Variants in RAB3IP observed in about 807,000 individuals in gnomAD.
RAB3IP encodes RAB3A interacting protein.
A neutral mutation model predicts 59.1 loss-of-function variants in RAB3IP; 36 were observed. The ratio of observed to expected loss-of-function variants is 0.61; its 90% CI spans 0.47 to 0.80. RAB3IP has a LOEUF of 0.80. Ranked by LOEUF, RAB3IP falls within the 30% of genes least tolerant of loss-of-function variation. The pLI is 0.00. For missense variants in RAB3IP, 511 were observed against 536.0 expected (o/e 0.95, Z 0.46); for synonymous variants, 207 against 191.2 (o/e 1.08, Z -0.68).
chr12:69,804,727 T>G (rs1156334405), intron 8 of RAB3IP, among the ~76,000 whole-genome samples: 2 of 151,862 alleles, frequency 1.3e-5, no homozygotes, highest in Non-Finnish European at 3.0e-5. Flanking sequence ...TAGCCAGTTT[T>G]CCCAGCACCA....
chr12:69,758,756 CTTTTTTTTTTTT>C (rs71437121), intron 3 of RAB3IP, among the ~76,000 whole-genome samples: 10 of 48,230 alleles, frequency 2.1e-4, no homozygotes, highest in African/African-American at 7.0e-4. Flanking sequence ...GTGTTCATTC[CTTTTTTTTTTTT>C]TTTTTTTTTT....
Position 69,815,538 on chromosome 12 carries a change from AG to A in RAB3IP, c.*93del. 1.1e-6 allele frequency: 1 copy of A among 927,044 alleles called. No individual in the cohort carries two copies. Among genetic ancestry groups the A allele is most frequent in the East Asian group, 2.5e-5 (1 of 40,538 alleles). 57.4% of individuals were successfully genotyped at this position (927,044 alleles called of 1,614,324 possible). A position where few individuals can be genotyped will look rare whatever the true frequency, so the allele number is the denominator to read the frequency against. On this transcript the variant is annotated 3_prime_UTR_variant, in exon 11 of 11. Transcript: ENST00000247833. ...ACTTGATATTTATTTCCAAGGAGTG[AG>A]CCTAAGACTTTTTTCCCCTTTTGCA...
Position 69,738,975 on chromosome 12 carries a change from C to G in RAB3IP, c.-82C>G, listed in dbSNP as rs1387038574. On this transcript the variant is annotated 5_prime_UTR_variant, in exon 1 of 11. Coordinates refer to ENST00000247833, the MANE Select transcript of RAB3IP (RefSeq NM_022456.5). ...GTTTCTCGCTGCTTCGGGACGCGCT[C>G]TCTGCGGCTCTGTGAGCGCCCCTGA... 1 of 152,148 alleles carries G rather than the reference C, an allele frequency of 6.6e-6. No homozygotes were observed. Among genetic ancestry groups the G allele is most frequent in the Non-Finnish European group, 1.5e-5 (1 of 68,102 alleles). The allele number at this position is 152,148 out of a possible 1,614,324, so 9.4% of individuals were successfully genotyped here.
At chr12:69,769,482 A>T (rs1872757435) in intron 3 of RAB3IP, among the ~76,000 whole-genome samples, 1 of 152,178 alleles carries the variant, frequency 6.6e-6, no homozygotes, top group African/African-American at 2.4e-5. Context: ...TTTATCAGCC[A>T]GACACTATCA....
chr12:69,796,265 A>G (rs1473262913), intron 6 of RAB3IP: 1 of 154,402 alleles, frequency 6.5e-6, no homozygotes. Context: ...GCGCCATCAC[A>G]CTCCAGCCTG....
chr12:69,812,557 T>C, intron 8 of RAB3IP: 1 of 449,870 alleles, frequency 2.2e-6, no homozygotes, highest in Non-Finnish European at 3.9e-6. Context: ...GAATCATGGT[T>C]AATGTTATGG....
intron 2 of RAB3IP, among the ~76,000 whole-genome samples, chr12:69,756,139 A>T (rs1870176917): frequency 6.6e-6 from 1 of 151,954 alleles, no homozygotes; most frequent in South Asian, 2.1e-4. Context: ...TAGTTTGTTA[A>T]CCCCTGCTCT....
chr12:69,781,013 T>C (rs1402718406), intron 3 of RAB3IP, among the ~76,000 whole-genome samples: 1 of 152,246 alleles, frequency 6.6e-6, no homozygotes, highest in Non-Finnish European at 1.5e-5. Flanking sequence ...TTCATAAATG[T>C]ACTTGGGTTT....
In RAB3IP at chr12:69,773,058, G is replaced by T. The variant is rs192000694; in HGVS notation, c.511-11662G>T. 9.9e-5 allele frequency among the ~76,000 whole-genome samples: 15 copies of T among 152,154 alleles called. No homozygotes were observed. The East Asian group carries it at 2.9e-3, about 29-fold the overall frequency. On this transcript the variant is annotated intron_variant, in intron 3 of 10. Coordinates refer to ENST00000247833, the MANE Select transcript of RAB3IP (RefSeq NM_022456.5). ...CATTTCTGAAAGATGGCTTTGCTGG[G>T]TACAGTATTCTTGGTGTTTTTGTTT...
chr12:69,757,049 T>A (rs1202883758), intron 3 of RAB3IP, among the ~76,000 whole-genome samples: 2 of 152,216 alleles, frequency 1.3e-5, no homozygotes, highest in African/African-American at 4.8e-5. Context: ...TTGTTTTGAG[T>A]TTAAGCTGAG....
chr12:69,753,682 A>G (rs1178932825), intron 1 of RAB3IP, among the ~76,000 whole-genome samples: 1 of 152,150 alleles, frequency 6.6e-6, no homozygotes. Flanking sequence ...GGAAGATGTT[A>G]TTCACAACTG....
upstream of RAB3IP, chr12:69,738,703 G>A (rs1886910516): frequency 6.6e-6 from 1 of 152,206 alleles, no homozygotes; most frequent in Admixed American, 6.5e-5. Flanking sequence ...TGACACCTGC[G>A]ACGAGCCCCG....
chr12:69,783,445 A>T (rs1464946174), intron 3 of RAB3IP, among the ~76,000 whole-genome samples: 3 of 151,804 alleles, frequency 2.0e-5, no homozygotes, highest in Non-Finnish European at 4.4e-5. Flanking sequence ...CCCTGTCTTC[A>T]TTGCCCTGCA....
At chr12:69,740,321 G>T (rs1416945021) in intron 1 of RAB3IP, among the ~76,000 whole-genome samples, 1 of 152,126 alleles carries the variant, frequency 6.6e-6, no homozygotes, top group Non-Finnish European at 1.5e-5. Flanking sequence ...CTAGTACTGT[G>T]CATTTTGATA....
chr12:69,753,595 C>T (rs35064880), intron 1 of RAB3IP, among the ~76,000 whole-genome samples: 32,269 of 151,948 alleles, frequency 0.21, 4,155 homozygotes, highest in Middle Eastern at 0.35. Flanking sequence ...GTAATCCACC[C>T]GCCTCGGCCT....
At chr12:69,756,838 GTAA>G (rs1010107108) in intron 3 of RAB3IP, among the ~76,000 whole-genome samples, 175 bp downstream of exon 3, 1 of 152,228 alleles carries the variant, frequency 6.6e-6, no homozygotes, top group Non-Finnish European at 1.5e-5. Context: ...TGGTTGGGTA[GTAA>G]AGAAGTTCCT....
chr12:69,780,499 TG>T (rs1276229777), intron 3 of RAB3IP, among the ~76,000 whole-genome samples: 1 of 152,136 alleles, frequency 6.6e-6, no homozygotes, highest in Admixed American at 6.5e-5. Context: ...CCTGCACAGG[TG>T]GGGCATTTCC....
chr12:69,795,276 A>G lies in RAB3IP; in HGVS notation c.820A>G (p.Ser274Gly). 2.5e-6 allele frequency: 4 copies of G among 1,614,094 alleles called. No homozygotes were observed. Among genetic ancestry groups the G allele is most frequent in the Non-Finnish European group, 3.4e-6 (4 of 1,179,966 alleles). The change falls in exon 6 of 11, where the codon AGC (serine) becomes GGC (glycine). Residue 274 changes from serine to glycine, a missense_variant. Physicochemically the swap from Ser to Gly is moderately conservative, Grantham distance 56 (BLOSUM62 0). Transcript: ENST00000247833. ...KKGHTRNKSTSSAMSGSHQDL... is the reference protein window; with the variant it reads ...KKGHTRNKSTGSAMSGSHQDL... ...GGGGCATACAAGAAATAAAAGCACA[A>G]GCAGTGCTATGAGTGGCAGTCATCA... is the stretch of plus-strand genomic sequence containing the variant.
At chr12:69,799,005 T>G (rs566801669) in intron 6 of RAB3IP, among the ~76,000 whole-genome samples, 112 of 152,332 alleles carry the variant, frequency 7.4e-4, no homozygotes, top group Admixed American at 2.7e-3. Context: ...GAAGTGTCCT[T>G]TTTCTCAGTA....
Sources: allele counts gnomAD v4.1 joint callset (sites outside exome capture counted in the v4.1 genomes callset), GRCh38; gene constraint gnomAD v4.1.1; transcripts MANE v1.5; gene names NCBI Gene and HGNC (gene_info 2026-07-23, HGNC 2026-07-21).